GPR149: variants seen among roughly 807,000 people sequenced by gnomAD.
GPR149 encodes the protein probable G protein-coupled receptor 149.
GPR149 carries 50 observed loss-of-function variants against 50.2 expected under a neutral mutation model. The observed-to-expected ratio is 1.00, with a 90% CI of 0.79 to 1.26. The LOEUF is 1.26. Ranked by LOEUF, GPR149 falls within the 50% of genes most tolerant of loss-of-function variation. GPR149 has a pLI of 0.00. For missense variants in GPR149, 983 were observed against 895.4 expected (o/e 1.10, Z -1.25); for synonymous variants, 405 against 358.2 (o/e 1.13, Z -1.48).
At chr3:154,382,006 A>G (rs1313915065) in intron 3 of GPR149, among the ~76,000 whole-genome samples, 5 of 152,178 alleles carry the variant, frequency 3.3e-5, no homozygotes. Context: ...GGTTTTTTCT[A>G]ATAGAGATAG....
At chr3:154,403,070 G>T (rs1453978759) in intron 3 of GPR149, among the ~76,000 whole-genome samples, 1 of 152,150 alleles carries the variant, frequency 6.6e-6, no homozygotes, top group Non-Finnish European at 1.5e-5. Context: ...ATGAATGAGA[G>T]GACTTGTTTC....
chr3:154,429,496 T>A lies in GPR149; in HGVS notation c.120A>T (p.Thr40=), dbSNP rs776939251. ...CCAAGGCTGCAAAAGTCATGAGACA[T>A]GTCAAGCAAAAAAGATAGATATTCA... ...GTLNIYLFCL[T]CLMTFAALVG... Residue 40 remains threonine (T), a synonymous_variant, in exon 1 of 4, where the codon ACA becomes ACT. Transcript: ENST00000389740. 1.9e-6 allele frequency: 3 copies of A among 1,614,130 alleles called. No homozygotes were observed. The highest frequency in any genetic ancestry group is 2.5e-6 in the Non-Finnish European group (3 of 1,180,020).
At chr3:154,343,544 C>T (rs1576897171) in intron 3 of GPR149, among the ~76,000 whole-genome samples, 1 of 152,114 alleles carries the variant, frequency 6.6e-6, no homozygotes, top group East Asian at 1.9e-4. Context: ...GGGGTTTGTT[C>T]TATTTTTAGG....
At chr3:154,383,854 G>A (rs974431096) in intron 3 of GPR149, among the ~76,000 whole-genome samples, 2 of 152,042 alleles carry the variant, frequency 1.3e-5, no homozygotes, top group Non-Finnish European at 2.9e-5. Flanking sequence ...GCCCAAGGGA[G>A]CTTGTTTGCC....
chr3:154,388,370 C>T (rs1420816543), intron 3 of GPR149, among the ~76,000 whole-genome samples: 1 of 151,810 alleles, frequency 6.6e-6, no homozygotes, highest in Non-Finnish European at 1.5e-5. Context: ...AATTTGGAAT[C>T]CAATTTTCCT....
intron 3 of GPR149, among the ~76,000 whole-genome samples, chr3:154,382,664 TTCTTA>T (rs1180116819): frequency 6.6e-6 from 1 of 152,220 alleles, no homozygotes; most frequent in East Asian, 1.9e-4. Context: ...TCATTTAGTT[TTCTTA>T]TGAGTATGAG....
chr3:154,370,628 T>C (rs571207993), intron 3 of GPR149, among the ~76,000 whole-genome samples: 2 of 152,070 alleles, frequency 1.3e-5, no homozygotes, highest in Non-Finnish European at 2.9e-5. Context: ...TGAATGTGCC[T>C]GGGGCAAGTG....
At chr3:154,379,421 T>C (rs1347519811) in intron 3 of GPR149, among the ~76,000 whole-genome samples, 2 of 152,158 alleles carry the variant, frequency 1.3e-5, no homozygotes, top group Non-Finnish European at 2.9e-5. Context: ...TTTACTTTGA[T>C]GTTAAACTCT....
Position 154,421,281 on chromosome 3 carries a change from A to G in GPR149, c.1381T>C (p.Ser461Pro). Residue 461 changes from serine (S) to proline (P), a missense_variant, in exon 3 of 4, where the codon TCT becomes CCT. Ser to Pro is a moderately conservative substitution (Grantham distance 74). Coordinates refer to ENST00000389740, the MANE Select transcript of GPR149 (RefSeq NM_001038705.3). ...CCTCTTTGTGTGGAGCTGTCCAGAG[A>G]GGGCGTGGTGCTGATTTCTACTTTT... ...AIKVEISTTP[S>P]LDSSTQRGIN... The G allele has an allele frequency of 1.9e-6, 3 of 1,613,374 alleles. No individual in the cohort carries two copies. In the South Asian group the frequency reaches 3.3e-5, roughly 18 times the overall value.
chr3:154,356,797 C>A (rs991626410), intron 3 of GPR149, among the ~76,000 whole-genome samples: 5 of 152,072 alleles, frequency 3.3e-5, no homozygotes, highest in Admixed American at 2.6e-4. Flanking sequence ...CATCAAGCTA[C>A]CAATGACTTT....
intron 2 of GPR149, among the ~76,000 whole-genome samples, chr3:154,422,433 C>G (rs1490018119): frequency 6.6e-6 from 1 of 151,584 alleles, no homozygotes; most frequent in Non-Finnish European, 1.5e-5. Context: ...TCTGTCAAAA[C>G]ATGGTTTGTT....
chr3:154,342,133 C>A (rs1022487721), intron 3 of GPR149, among the ~76,000 whole-genome samples: 17 of 152,056 alleles, frequency 1.1e-4, no homozygotes, highest in African/African-American at 3.9e-4. Flanking sequence ...AAACTGGAAA[C>A]CACAAAGTAA....
intron 3 of GPR149, among the ~76,000 whole-genome samples, chr3:154,364,173 A>T (rs1052931777): frequency 6.6e-6 from 1 of 152,192 alleles, no homozygotes; most frequent in Non-Finnish European, 1.5e-5. Context: ...CTATGGGAGT[A>T]AAAAAGCTGC....
At chr3:154,378,619 G>C (rs894047203) in intron 3 of GPR149, among the ~76,000 whole-genome samples, 3 of 152,084 alleles carry the variant, frequency 2.0e-5, no homozygotes, top group Non-Finnish European at 4.4e-5. Flanking sequence ...CAATTAATTT[G>C]TACAACTTTG....
chr3:154,355,880 T>C (rs1714208034), intron 3 of GPR149, among the ~76,000 whole-genome samples: 1 of 152,228 alleles, frequency 6.6e-6, no homozygotes, highest in African/African-American at 2.4e-5. Context: ...ACAATGTTTT[T>C]GTAAGGTTGC....
chr3:154,369,717 G>T (rs977047694), intron 3 of GPR149, among the ~76,000 whole-genome samples: 30 of 152,368 alleles, frequency 2.0e-4, no homozygotes, highest in Middle Eastern at 3.4e-3. Context: ...CAGATTTAGG[G>T]AAATTCTCAA....
chr3:154,415,139 A>G (rs1711953237), intron 3 of GPR149, among the ~76,000 whole-genome samples: 1 of 81,144 alleles, frequency 1.2e-5, no homozygotes, highest in Admixed American at 1.1e-4. Flanking sequence ...GAGTTCAAGT[A>G]GAGAGTAACC....
intron 3 of GPR149, among the ~76,000 whole-genome samples, chr3:154,364,201 G>A (rs776400971): frequency 3.3e-5 from 5 of 152,162 alleles, no homozygotes; most frequent in Non-Finnish European, 7.3e-5. Flanking sequence ...CCATTCATGA[G>A]GGCAGAACCC....
chr3:154,429,763 C>CA lies in GPR149; in HGVS notation c.-149dup. 1 of 651,822 alleles carries CA rather than the reference C, an allele frequency of 1.5e-6. No individual in the cohort carries two copies. The highest frequency in any genetic ancestry group is 2.7e-6 in the Non-Finnish European group (1 of 376,454). 40.4% of individuals were successfully genotyped at this position (651,822 alleles called of 1,614,324 possible). On this transcript the variant is annotated 5_prime_UTR_variant, in exon 1 of 4. It removes an upstream start codon present in the reference 5' UTR. Transcript: ENST00000389740. ...GTCAGTCCTGCAGAAAATGGTCAGC[C>CA]ATGTCTCCTTTAGATCTGACTCAAG...
Sources: allele counts gnomAD v4.1 joint callset (sites outside exome capture counted in the v4.1 genomes callset), GRCh38; gene constraint gnomAD v4.1.1; transcripts MANE v1.5; gene names NCBI Gene and HGNC (gene_info 2026-07-23, HGNC 2026-07-21).